The following KANSL1L variants were observed in gnomAD, a reference collection of about 807,000 sequenced individuals.
KANSL1L encodes KAT8 regulatory NSL complex subunit 1 like.
In KANSL1L, 25 loss-of-function variants were observed where a neutral mutation model predicts 108.6. That is an observed-to-expected ratio of 0.23 (90% CI 0.17 to 0.32). KANSL1L has a LOEUF of 0.32. Ranked by LOEUF, KANSL1L falls within the 10% of genes least tolerant of loss-of-function variation. KANSL1L has a pLI of 1.00. For synonymous variants in KANSL1L, 405 were observed against 395.1 expected, an observed-to-expected ratio of 1.03 and a Z score of -0.30; for missense variants, 1,137 against 1,125.7, an observed-to-expected ratio of 1.01 and a Z score of -0.14.
chr2:210,039,051 C>G (rs938742074), intron 8 of KANSL1L, among the ~76,000 whole-genome samples: 1 of 151,822 alleles, frequency 6.6e-6, no homozygotes, highest in African/African-American at 2.4e-5. Context: ...CTCCCTTGAT[C>G]TGCCTTCTAT....
intron 3 of KANSL1L, among the ~76,000 whole-genome samples, chr2:210,114,937 A>AAT (rs1398426450): frequency 1.3e-5 from 2 of 152,118 alleles, no homozygotes; most frequent in Non-Finnish European, 2.9e-5. Flanking sequence ...ATATCTACAG[A>AAT]ATATATATAA....
intron 2 of KANSL1L, among the ~76,000 whole-genome samples, chr2:210,147,328 G>A (rs1470973828): frequency 6.6e-6 from 1 of 152,084 alleles, no homozygotes; most frequent in Non-Finnish European, 1.5e-5. Flanking sequence ...CAAACATGAT[G>A]GCACATATCT....
rs1174367766 is a variant in KANSL1L, at chr2:210,098,133, A to G, written c.1503T>C (p.Ser501=). The change falls in exon 5 of 15, where the codon TCT becomes TCC. Residue 501 remains serine, a synonymous_variant. Transcript: ENST00000281772. The part of the protein sequence containing the change: ...LNLSPTSSPL[S]SKSCSHKCLA... ...GACATTTATGGCTACAGGATTTGGA[A>G]GAGAGGGGTGATGAAGTTGGGGACA... The G allele has an allele frequency of 6.2e-7, 1 of 1,612,198 alleles. No individual in the cohort carries two copies.
chr2:210,070,052 C>T (rs924853449), intron 6 of KANSL1L, among the ~76,000 whole-genome samples: 5 of 150,850 alleles, frequency 3.3e-5, no homozygotes, highest in African/African-American at 1.2e-4. Context: ...TGGTTTGGAA[C>T]TCCTGACCTC....
chr2:210,168,085 T>C (rs567417185), intron 1 of KANSL1L, among the ~76,000 whole-genome samples: 4 of 152,232 alleles, frequency 2.6e-5, no homozygotes, highest in African/African-American at 9.6e-5. Context: ...ATGATGTAAA[T>C]TATTCCATTA....
chr2:210,164,458 A>G (rs1050699530), intron 1 of KANSL1L, among the ~76,000 whole-genome samples: 17 of 152,152 alleles, frequency 1.1e-4, no homozygotes, highest in African/African-American at 4.1e-4. Context: ...GATCCTTGCT[A>G]AATCTAAGAA....
At chr2:210,065,321 CTG>C (rs1488000008) in intron 6 of KANSL1L, among the ~76,000 whole-genome samples, 1 of 134,886 alleles carries the variant, frequency 7.4e-6, no homozygotes, top group Non-Finnish European at 1.6e-5. Context: ...AAAAAAGAAT[CTG>C]TTACATTTTC....
chr2:210,033,603 C>T (rs1399629142), intron 8 of KANSL1L, among the ~76,000 whole-genome samples: 2 of 152,146 alleles, frequency 1.3e-5, no homozygotes, highest in South Asian at 2.1e-4. Flanking sequence ...GATCTCGGCT[C>T]ACTGCAAACT....
intron 2 of KANSL1L, among the ~76,000 whole-genome samples, chr2:210,146,021 C>T (rs2095263288): frequency 6.6e-6 from 1 of 152,028 alleles, no homozygotes; most frequent in South Asian, 2.1e-4. Context: ...GGTGCAACCA[C>T]ATCCTCCTCT....
Position 210,153,894 on chromosome 2 carries a change from T to G in KANSL1L, c.689A>C (p.Lys230Thr). ...AGCCTGGCTAAGTAAAATTTTCTGT[T>G]TGCTTACACAATGAAGTAAACGAGC... ...VHARLLHCVS[K>T]QKILLSQARR... is the part of the protein sequence containing the mutation. Residue 230 changes from lysine (K) to threonine (T), a missense_variant, in exon 2 of 15, where the codon AAA (lysine) becomes ACA (threonine). This residue lies in a region of KANSL1L where 556 missense variants were observed against 537.7 expected (regional missense o/e 1.03). Coordinates refer to ENST00000281772, the MANE Select transcript of KANSL1L (RefSeq NM_152519.4). 2.5e-6 allele frequency: 4 copies of G among 1,612,046 alleles called. No homozygotes were observed. The highest frequency in any genetic ancestry group is 3.4e-6 in the Non-Finnish European group (4 of 1,179,588).
At chr2:210,150,179 C>A (rs1364270559) in intron 2 of KANSL1L, among the ~76,000 whole-genome samples, 1 of 152,048 alleles carries the variant, frequency 6.6e-6, no homozygotes, top group Non-Finnish European at 1.5e-5. Flanking sequence ...TGTCTACAGT[C>A]TCTGAATCCC....
intron 6 of KANSL1L, among the ~76,000 whole-genome samples, chr2:210,054,836 G>T (rs1455918444): frequency 1.3e-5 from 2 of 152,016 alleles, no homozygotes; most frequent in Non-Finnish European, 2.9e-5. Context: ...ACAAAAAGGA[G>T]AAAGAAGAAG....
At chr2:210,026,356 C>T (rs2093936762) in intron 12 of KANSL1L, 5 of 152,128 alleles carry the variant, frequency 3.3e-5, no homozygotes, top group Admixed American at 3.3e-4. Context: ...ATAATTTTAT[C>T]CATACCTATT....
At position 210,082,374 on chromosome 2, in the gene KANSL1L, C is replaced by T. The variant is rs1476720290; in HGVS notation, c.1551-6618G>A. On this transcript the variant is annotated intron_variant, in intron 5 of 14. Transcript: ENST00000281772. ...TCTAAGACATGTACTAAACTACATT[C>T]AGCACTCGATGTCAAGCACAGGAAA... 2.6e-5 allele frequency among the ~76,000 whole-genome samples: 4 copies of T among 152,288 alleles called. No homozygotes were observed. In the East Asian group the frequency reaches 5.8e-4, roughly 22 times the overall value.
intron 6 of KANSL1L, among the ~76,000 whole-genome samples, chr2:210,056,901 G>A (rs1409960449): frequency 2.0e-5 from 3 of 152,148 alleles, no homozygotes; most frequent in East Asian, 3.8e-4. Flanking sequence ...CTGTCCCTGT[G>A]TCCCAAAGCA....
intron 3 of KANSL1L, among the ~76,000 whole-genome samples, chr2:210,127,798 C>CAAAAAAAAAA (rs55979027): frequency 7.1e-5 from 2 of 28,122 alleles, no homozygotes; most frequent in Non-Finnish European, 1.3e-4. Flanking sequence ...GACTCTGCCT[C>CAAAAAAAAAA]AAAAAAAAAA....
At position 210,098,067 on chromosome 2, in the gene KANSL1L, C is replaced by T; in HGVS notation, c.1550+19G>A. On this transcript the variant is annotated intron_variant, in intron 5 of 14. Coordinates refer to ENST00000281772, the MANE Select transcript of KANSL1L (RefSeq NM_152519.4). ...GGCAAAGTTGAATTTAAAAGCTAAGCTATTCCATTGATACCTACCTCCTGT... is the reference window on the plus strand; with the variant it reads ...GGCAAAGTTGAATTTAAAAGCTAAGTTATTCCATTGATACCTACCTCCTGT... 1.3e-6 allele frequency: 2 copies of T among 1,578,338 alleles called. No homozygotes were observed. Among genetic ancestry groups the T allele is most frequent in the Non-Finnish European group, 1.7e-6 (2 of 1,162,818 alleles).
intron 4 of KANSL1L, among the ~76,000 whole-genome samples, chr2:210,101,043 C>A (rs1213282058): frequency 6.6e-6 from 1 of 152,208 alleles, no homozygotes; most frequent in Non-Finnish European, 1.5e-5. Context: ...TTATTAACAA[C>A]CTCTACAAGT....
upstream of KANSL1L, among the ~76,000 whole-genome samples, chr2:210,172,451 CAT>C (rs1390377466): frequency 6.6e-6 from 1 of 152,196 alleles, no homozygotes; most frequent in Non-Finnish European, 1.5e-5. Context: ...TAATCCGTAA[CAT>C]AGATAACTGG....
Sources: allele counts gnomAD v4.1 joint callset (sites outside exome capture counted in the v4.1 genomes callset), GRCh38; gene constraint gnomAD v4.1.1; regional missense constraint gnomAD v4.1.1; transcripts MANE v1.5; gene names NCBI Gene and HGNC (gene_info 2026-07-23, HGNC 2026-07-21).